TRIM39: variants seen among roughly 807,000 people sequenced by gnomAD.
TRIM39 encodes tripartite motif containing 39.
A neutral mutation model predicts 53.6 loss-of-function variants in TRIM39; 5 were observed. That is an observed-to-expected ratio of 0.09 (90% CI 0.05 to 0.20). The LOEUF is 0.20. Among genes scored for constraint, TRIM39 ranks in the 10% least tolerant of loss-of-function variants. The probability of loss-of-function intolerance (pLI) is 1.00; values close to 1 mark genes in which losing one functional copy is unlikely to be tolerated. For synonymous variants in TRIM39, 196 were observed against 237.6 expected, an observed-to-expected ratio of 0.82 and a Z score of 1.61; for missense variants, 310 against 621.0, an observed-to-expected ratio of 0.50 and a Z score of 5.32.
At chr6:30,336,943 C>T (rs575124750) in intron 5 of TRIM39, among the ~76,000 whole-genome samples, 1 of 152,322 alleles carries the variant, frequency 6.6e-6, no homozygotes, top group East Asian at 1.9e-4. Context: ...CAAATTACTT[C>T]TTGATCCATG....
chr6:30,341,172 C>T (rs1787482222), intron 7 of TRIM39, among the ~76,000 whole-genome samples: 1 of 149,734 alleles, frequency 6.7e-6, no homozygotes, highest in Non-Finnish European at 1.5e-5. Flanking sequence ...CACACCACTG[C>T]ACTCCAGCCT....
In TRIM39 at chr6:30,335,313, TTCTG is replaced by T. The variant is rs1471200920; in HGVS notation, c.550-428_550-425del. On this transcript the variant is annotated intron_variant, in intron 4 of 7. Coordinates refer to ENST00000396551, the Ensembl canonical transcript of TRIM39. The surrounding 1 kb of genome is among the most constrained non-coding windows in gnomAD (Gnocchi z 4.7). ...CTTTCTTTTCTTTCTGTCTTTGTCT[TTCTG>T]TCTTTCTTTCCTGTCTGTCTGTCTT... is the stretch of plus-strand genomic sequence containing the variant. 1.3e-5 allele frequency among the ~76,000 whole-genome samples: 2 copies of T among 152,202 alleles called. No homozygotes were observed. Among genetic ancestry groups the T allele is most frequent in the African/African-American group, 4.8e-5 (2 of 41,536 alleles).
Position 30,339,845 on chromosome 6 carries a change from C to G in TRIM39, c.781-63C>G. The G allele has an allele frequency of 1.2e-6, 2 of 1,610,766 alleles. No individual in the cohort carries two copies. The highest frequency in any genetic ancestry group is 1.7e-6 in the Non-Finnish European group (2 of 1,177,758). On this transcript the variant is annotated intron_variant, in intron 5 of 7. Transcript: ENST00000396551. The surrounding 1 kb of genome is among the most constrained non-coding windows in gnomAD (Gnocchi z 4.2). ...TGGAACTTTGGGGAGGAGGGGGAACCTTTTGCCTTCAGGACCACTGAATAC... is the reference window on the plus strand; with the variant it reads ...TGGAACTTTGGGGAGGAGGGGGAACGTTTTGCCTTCAGGACCACTGAATAC...
intron 7 of TRIM39, 87 bp from the exon 8 acceptor site, chr6:30,341,625 T>G (rs1787561224): frequency 6.7e-7 from 1 of 1,497,614 alleles, no homozygotes; most frequent in Non-Finnish European, 8.9e-7. Flanking sequence ...GGGACCAGGC[T>G]CTGTAAAGGC....
At chr6:30,336,776 A>G (rs1786913483) in intron 5 of TRIM39, among the ~76,000 whole-genome samples, 6 of 152,192 alleles carry the variant, frequency 3.9e-5, no homozygotes. Flanking sequence ...GTTAATATTG[A>G]TATTTTGGCT....
chr6:30,341,851 G>A, exon 8 of TRIM39: 4 of 1,613,038 alleles, frequency 2.5e-6, no homozygotes, highest in Non-Finnish European at 3.4e-6. Flanking sequence ...CTTGCGTCCT[G>A]GCTACTGAGG....
chr6:30,327,554 A>G (rs1294310511), intron 1 of TRIM39: 3 of 152,564 alleles, frequency 2.0e-5, no homozygotes, highest in African/African-American at 2.4e-5. Flanking sequence ...GGACTAACGC[A>G]GAGGCACTCA....
chr6:30,336,207 A>G (rs1268621415), intron 5 of TRIM39: 1 of 733,246 alleles, frequency 1.4e-6, no homozygotes, highest in East Asian at 2.7e-5. Context: ...AATCTGTTCC[A>G]AAGAAAAGAT....
intron 4 of TRIM39, among the ~76,000 whole-genome samples, chr6:30,333,383 C>T (rs1382542993): frequency 8.7e-5 from 10 of 115,580 alleles, no homozygotes; most frequent in Non-Finnish European, 1.2e-4. Context: ...TTTGAGACGG[C>T]GTCTCGCTCT....
At position 30,342,240 on chromosome 6, in the gene TRIM39, C is replaced by T. The variant is rs1459535049; in HGVS notation, c.1448C>T (p.Pro483Leu). The T allele has an allele frequency of 6.2e-7, 1 of 1,612,746 alleles. No individual in the cohort carries two copies. The highest frequency in any genetic ancestry group is 8.5e-7 in the Non-Finnish European group (1 of 1,179,930). ...AATGCTGCACCACTTACCATCAGGC[C>T]CCCAACAGATTGGGAGTGACAGGTT... Residue 483 changes from proline (P) to leucine (L), a missense_variant, in exon 8 of 8, where the codon CCC becomes CTC. Transcript: ENST00000396551. This position sits in a 1 kb window ranked among gnomAD's most constrained non-coding sequence, Gnocchi z 4.7.
chr6:30,340,492 C>T lies in TRIM39; in HGVS notation c.804-13C>T, dbSNP rs1787383699. On this transcript the variant is annotated splice_polypyrimidine_tract_variant and intron_variant, in intron 6 of 7. Transcript: ENST00000396551. ...CCCTGCCCTTTCTTCCCCTATCTCC[C>T]TATCCCTCCTAGATGTGAAAAGGTG... 2 of 1,612,884 alleles carry T rather than the reference C, an allele frequency of 1.2e-6. No homozygotes were observed. The highest frequency in any genetic ancestry group is 1.7e-5 in the Admixed American group (1 of 60,014).
exon 8 of TRIM39, chr6:30,343,586 G>A (rs1787787521): frequency 6.5e-6 from 1 of 152,774 alleles, no homozygotes; most frequent in Admixed American, 6.5e-5. Context: ...GCAGTTTACT[G>A]AGGGCATTTC....
exon 3 of TRIM39, chr6:30,329,555 C>G (rs1785861829): frequency 1.2e-6 from 2 of 1,613,130 alleles, no homozygotes; most frequent in Non-Finnish European, 1.7e-6. Context: ...CAGTCTCCGA[C>G]CTAATCGGCA....
In TRIM39 at chr6:30,341,855, A is replaced by T. The variant is rs758441548; in HGVS notation, c.1063A>T (p.Thr355Ser). 3 of 1,612,844 alleles carry T rather than the reference A, an allele frequency of 1.9e-6. No individual in the cohort carries two copies. The East Asian group carries it at 6.7e-5, about 36-fold the overall frequency. Reference sequence around the variant, plus strand: ...CACCTTCTACCCTTGCGTCCTGGCTACTGAGGGTTTCACCTCAGGTCGACA... The same window carrying T: ...CACCTTCTACCCTTGCGTCCTGGCTTCTGAGGGTTTCACCTCAGGTCGACA... Residue 355 changes from threonine to serine, a missense_variant, in exon 8 of 8, where the codon ACT (threonine) becomes TCT (serine). Thr to Ser is a moderately conservative substitution (Grantham distance 58). Coordinates refer to ENST00000396551, the Ensembl canonical transcript of TRIM39.
rs965283260 is a variant in TRIM39, at chr6:30,335,677, T to C, written c.550-68T>C. The C allele has an allele frequency of 6.5e-7, 1 of 1,532,790 alleles. No individual in the cohort carries two copies. The highest frequency in any genetic ancestry group is 1.4e-5 in the African/African-American group (1 of 72,088). The allele number at this position is 1,532,790 out of a possible 1,614,324, so 94.9% of individuals were successfully genotyped here. The stretch of plus-strand genomic sequence containing the variant: ...AGTCTGTGTTAATTCATACATATGG[T>C]GGGTGAGAGAAAGGCTTCCTTATAC... On this transcript the variant is annotated intron_variant, in intron 4 of 7. Transcript: ENST00000396551. The surrounding 1 kb of genome is among the most constrained non-coding windows in gnomAD (Gnocchi z 4.7).
Position 30,330,769 on chromosome 6 carries a change from C to T in TRIM39, c.454-12C>T, listed in dbSNP as rs965141655. 5.6e-6 allele frequency: 9 copies of T among 1,613,886 alleles called. No individual in the cohort carries two copies. The highest frequency in any genetic ancestry group is 1.6e-4 in the Middle Eastern group (1 of 6,084). ...CAAATGTCACCTCTCCCACTTCCTC[C>T]CTACCCCTCAGGAAAAACTGCAGAA... On this transcript the variant is annotated splice_polypyrimidine_tract_variant and intron_variant, in intron 3 of 7. Coordinates refer to ENST00000396551, the Ensembl canonical transcript of TRIM39.
intron 1 of TRIM39, among the ~76,000 whole-genome samples, chr6:30,328,104 C>G (rs1439085169): frequency 6.6e-6 from 1 of 152,230 alleles, no homozygotes; most frequent in Non-Finnish European, 1.5e-5. Flanking sequence ...TAAATCTCTC[C>G]TATGCATTTC....
intron 4 of TRIM39, among the ~76,000 whole-genome samples, chr6:30,331,311 G>A (rs1370425292): frequency 6.6e-6 from 1 of 151,232 alleles, no homozygotes; most frequent in Non-Finnish European, 1.5e-5. Flanking sequence ...GAACAATGTA[G>A]TTCTCTCAAA....
At chr6:30,327,106 C>T (rs901944996) in intron 1 of TRIM39, 111 bp downstream of exon 1, 3 of 152,298 alleles carry the variant, frequency 2.0e-5, no homozygotes, top group Non-Finnish European at 4.4e-5. Context: ...CCGCACGTAA[C>T]CACAGCTGCC....
Sources: gnomAD v4.1 joint callset for allele counts (sites outside exome capture counted in the v4.1 genomes callset) on GRCh38, gnomAD v4.1.1 for gene constraint, Gnocchi (gnomAD v3.1) non-coding constraint, MANE v1.5 for transcripts, NCBI Gene and HGNC (gene_info 2026-07-23, HGNC 2026-07-21) for gene names.